ZFYVE28: variants seen among roughly 807,000 people sequenced by gnomAD.
The protein encoded by ZFYVE28 is zinc finger FYVE-type containing 28, also known as lateral signaling target protein 2 homolog.
A neutral mutation model predicts 82.1 loss-of-function variants in ZFYVE28; 40 were observed. The ratio of observed to expected loss-of-function variants is 0.49; its 90% CI spans 0.38 to 0.63. The LOEUF (loss-of-function observed/expected upper bound fraction) is 0.63. Ranked by LOEUF, ZFYVE28 falls within the 30% of genes least tolerant of loss-of-function variation. The pLI, the probability that ZFYVE28 is intolerant of heterozygous loss-of-function variation, is 0.00. For missense variants in ZFYVE28, 1,321 were observed against 1,242.1 expected, an observed-to-expected ratio of 1.06 and a Z score of -0.96; for synonymous variants, 612 against 546.1, an observed-to-expected ratio of 1.12 and a Z score of -1.68.
chr4:2,282,721 A>C (rs1457370827), intron 8 of ZFYVE28, among the ~76,000 whole-genome samples: 2 of 152,212 alleles, frequency 1.3e-5, no homozygotes, highest in Admixed American at 1.3e-4. Flanking sequence ...CTTTGGAAAG[A>C]CTAACAGCAT....
At chr4:2,296,510 T>C (rs1325138106) in intron 8 of ZFYVE28, among the ~76,000 whole-genome samples, 2 of 152,046 alleles carry the variant, frequency 1.3e-5, no homozygotes, top group Admixed American at 1.3e-4. Flanking sequence ...TAATTCCAAG[T>C]CCTCCTCTAT....
At position 2,270,875 on chromosome 4, in the gene ZFYVE28, A is replaced by C. The variant is rs763143996; in HGVS notation, c.2533-19T>G. ...AGAAGATCTGGAATGGGGTTGGGGC[A>C]GTGAGGGTCTGCGGCAGACCAGCCC... On this transcript the variant is annotated intron_variant, in intron 12 of 12. Transcript: ENST00000290974. 4 of 1,611,408 alleles carry C rather than the reference A, an allele frequency of 2.5e-6. No homozygotes were observed. In the East Asian group the frequency reaches 8.9e-5, roughly 36 times the overall value.
chr4:2,418,444 G>A lies in ZFYVE28; in HGVS notation c.-121C>T. 1.2e-6 allele frequency: 1 copy of A among 815,734 alleles called. No homozygotes were observed. The highest frequency in any genetic ancestry group is 1.5e-6 in the Non-Finnish European group (1 of 658,650). The allele number at this position is 815,734 out of a possible 1,614,324, so 50.5% of individuals were successfully genotyped here. A position where few individuals can be genotyped will look rare whatever the true frequency, so the allele number is the denominator to read the frequency against. Reference sequence around the variant, plus strand: ...GCCGGAGCCCCCGCGCTGTCGCAGGGAGGCTGGCTAGCGAAGCCCGGAGCG... The same window carrying A: ...GCCGGAGCCCCCGCGCTGTCGCAGGAAGGCTGGCTAGCGAAGCCCGGAGCG... On this transcript the variant is annotated 5_prime_UTR_variant, in exon 1 of 13. Transcript: ENST00000290974. This position sits in a 1 kb window ranked among gnomAD's most constrained non-coding sequence, Gnocchi z 4.6.
In ZFYVE28 at chr4:2,320,299, G is replaced by C; in HGVS notation, c.702-28C>G. On this transcript the variant is annotated intron_variant, in intron 6 of 12. Coordinates refer to ENST00000290974, the MANE Select transcript of ZFYVE28 (RefSeq NM_020972.3). This position sits in a 1 kb window ranked among gnomAD's most constrained non-coding sequence, Gnocchi z 5.1. ...GCATTTGAGACACAAAAGCCAGGAT[G>C]TCAGGCCCTGTGGCCCCCTGGGTGC... 2 of 1,601,230 alleles carry C rather than the reference G, an allele frequency of 1.2e-6. No homozygotes were observed. The highest frequency in any genetic ancestry group is 2.2e-5 in the South Asian group (2 of 90,546).
intron 1 of ZFYVE28, among the ~76,000 whole-genome samples, chr4:2,359,226 C>T (rs1479530070): frequency 6.6e-6 from 1 of 151,840 alleles, no homozygotes; most frequent in Non-Finnish European, 1.5e-5. Flanking sequence ...CATGATCTGC[C>T]TGACTTAGCC....
At chr4:2,303,961 C>T (rs563003509) in intron 8 of ZFYVE28, among the ~76,000 whole-genome samples, 168 of 152,330 alleles carry the variant, frequency 1.1e-3, no homozygotes, top group Admixed American at 2.0e-3. Flanking sequence ...ACACCAGGGG[C>T]GGGATGGGCC....
intron 7 of ZFYVE28, among the ~76,000 whole-genome samples, chr4:2,312,527 G>T (rs1370920984): frequency 2.6e-5 from 4 of 152,032 alleles, no homozygotes; most frequent in African/African-American, 9.7e-5. Context: ...AGGAGATTGA[G>T]ACCATCCCGG....
chr4:2,351,364 A>G (rs1289186261), intron 2 of ZFYVE28, among the ~76,000 whole-genome samples: 2 of 152,224 alleles, frequency 1.3e-5, no homozygotes, highest in Non-Finnish European at 2.9e-5. Context: ...TTAGGATACA[A>G]GATCTATATA....
intron 1 of ZFYVE28, among the ~76,000 whole-genome samples, chr4:2,366,154 A>G (rs1380322762): frequency 6.6e-6 from 1 of 152,256 alleles, no homozygotes; most frequent in Non-Finnish European, 1.5e-5. Context: ...ACGCAGAATT[A>G]CAGCACCCAG....
intron 8 of ZFYVE28, among the ~76,000 whole-genome samples, chr4:2,301,079 CTG>C (rs1418689549): frequency 6.6e-6 from 1 of 152,144 alleles, no homozygotes; most frequent in Non-Finnish European, 1.5e-5. Context: ...GGTGAACTTT[CTG>C]TGTGTGTGAA....
At chr4:2,327,445 C>T (rs1720056525) in intron 6 of ZFYVE28, among the ~76,000 whole-genome samples, 1 of 151,596 alleles carries the variant, frequency 6.6e-6, no homozygotes, top group Non-Finnish European at 1.5e-5. Context: ...GAGTAGGCAT[C>T]CTTGCCTTGT....
chr4:2,333,432 G>T (rs1721047044), intron 6 of ZFYVE28, among the ~76,000 whole-genome samples: 1 of 151,848 alleles, frequency 6.6e-6, no homozygotes, highest in Non-Finnish European at 1.5e-5. Flanking sequence ...AGATGATACT[G>T]GTTGGGGGAA....
chr4:2,374,154 A>G (rs1727865345), intron 1 of ZFYVE28, among the ~76,000 whole-genome samples: 2 of 152,222 alleles, frequency 1.3e-5, no homozygotes, highest in Admixed American at 1.3e-4. Flanking sequence ...CCATGTCCGT[A>G]GGTGCAGCCC....
At chr4:2,342,414 G>A (rs985613144) in intron 2 of ZFYVE28, among the ~76,000 whole-genome samples, 2 of 152,130 alleles carry the variant, frequency 1.3e-5, no homozygotes, top group Non-Finnish European at 2.9e-5. Context: ...TATTTTTAGA[G>A]GCAGGGTCTG....
rs1349881902 is a variant in ZFYVE28, at chr4:2,409,937, C to A, written c.39+8348G>T. On this transcript the variant is annotated intron_variant, in intron 1 of 12. Transcript: ENST00000290974. This position sits in a 1 kb window ranked among gnomAD's most constrained non-coding sequence, Gnocchi z 4.4. Reference sequence around the variant, plus strand: ...AGGTGGCCACAGTCAGCGGGCCAGGCTGGCAGGGTGCTTTCCAAAGCCCCC... The same window carrying A: ...AGGTGGCCACAGTCAGCGGGCCAGGATGGCAGGGTGCTTTCCAAAGCCCCC... Among the ~76,000 whole-genome samples the A allele has an allele frequency of 6.6e-6, 1 of 152,248 alleles. No individual in the cohort carries two copies. Among genetic ancestry groups the A allele is most frequent in the African/African-American group, 2.4e-5 (1 of 41,474 alleles).
intron 1 of ZFYVE28, among the ~76,000 whole-genome samples, chr4:2,373,956 T>C (rs892627758): frequency 1.3e-5 from 2 of 152,064 alleles, no homozygotes; most frequent in African/African-American, 4.8e-5. Context: ...CCGCCCCCCA[T>C]CTCTCCCAGC....
At chr4:2,328,289 ATAAG>A (rs367811302) in intron 6 of ZFYVE28, among the ~76,000 whole-genome samples, 133 of 152,344 alleles carry the variant, frequency 8.7e-4, no homozygotes, top group African/African-American at 3.0e-3. Flanking sequence ...GCTAAGTGAA[ATAAG>A]TAAGGACCAG....
At chr4:2,352,051 C>T (rs146561608) in intron 2 of ZFYVE28, among the ~76,000 whole-genome samples, 1 of 152,358 alleles carries the variant, frequency 6.6e-6, no homozygotes, top group Non-Finnish European at 1.5e-5. Flanking sequence ...ACCAGCGGAA[C>T]TTGCACAGCC....
chr4:2,376,143 G>T (rs1439789184), intron 1 of ZFYVE28, among the ~76,000 whole-genome samples: 6 of 151,520 alleles, frequency 4.0e-5, no homozygotes, highest in Non-Finnish European at 8.8e-5. Flanking sequence ...AAAGTGCTGG[G>T]ATTACAGGCA....
Sources: allele counts gnomAD v4.1 joint callset (sites outside exome capture counted in the v4.1 genomes callset), GRCh38; gene constraint gnomAD v4.1.1; non-coding constraint Gnocchi (gnomAD v3.1); transcripts MANE v1.5; gene names NCBI Gene and HGNC (gene_info 2026-07-23, HGNC 2026-07-21).